Variants in PRKCE observed in about 807,000 individuals in gnomAD.
PRKCE encodes protein kinase C epsilon.
In PRKCE, 16 loss-of-function variants were observed where a neutral mutation model predicts 85.4. The observed-to-expected ratio is 0.19, with a 90% CI of 0.13 to 0.28. The LOEUF (loss-of-function observed/expected upper bound fraction) is 0.28, where lower values mean the gene tolerates loss of function less well. Among genes scored for constraint, PRKCE ranks in the 10% least tolerant of loss-of-function variants. The probability of loss-of-function intolerance (pLI) is 1.00; values close to 1 mark genes in which losing one functional copy is unlikely to be tolerated. For missense variants in PRKCE, 573 were observed against 975.2 expected (o/e 0.59, Z 5.49); for synonymous variants, 388 against 371.5 (o/e 1.04, Z -0.51).
intron 2 of PRKCE, among the ~76,000 whole-genome samples, chr2:45,923,159 G>C (rs1698377852): frequency 6.6e-6 from 1 of 152,220 alleles, no homozygotes; most frequent in African/African-American, 2.4e-5. Flanking sequence ...AGTAGGCCTT[G>C]CTGAGTGGAG....
At chr2:46,028,782 C>G (rs1289935757) in intron 10 of PRKCE, among the ~76,000 whole-genome samples, 1 of 152,114 alleles carries the variant, frequency 6.6e-6, no homozygotes, top group Admixed American at 6.5e-5. Context: ...AAGCTTGGTA[C>G]TCATTAGTTA....
chr2:45,993,946 AC>A (rs546139450), intron 6 of PRKCE, among the ~76,000 whole-genome samples: 1 of 151,038 alleles, frequency 6.6e-6, no homozygotes, highest in Non-Finnish European at 1.5e-5. Flanking sequence ...ACCTCACCCC[AC>A]CCCCACCTTT....
At chr2:45,988,440 C>T (rs1380248874) in intron 6 of PRKCE, among the ~76,000 whole-genome samples, 3 of 152,108 alleles carry the variant, frequency 2.0e-5, no homozygotes, top group African/African-American at 7.2e-5. Context: ...ATAATTATGT[C>T]TGCTTTTATG....
chr2:46,184,499 A>AC lies in PRKCE; in HGVS notation c.2068-233dup, dbSNP rs1408707309. ...TCCCACTTCCCTGCTTTTCCATCATACCCTCTCACCCCTTCTTCCTTCTCA... is the reference window on the plus strand; with the variant it reads ...TCCCACTTCCCTGCTTTTCCATCATACCCCTCTCACCCCTTCTTCCTTCTCA... On this transcript the variant is annotated intron_variant, in intron 14 of 14. Coordinates refer to ENST00000306156, the MANE Select transcript of PRKCE (RefSeq NM_005400.3). The surrounding 1 kb of genome is among the most constrained non-coding windows in gnomAD (Gnocchi z 5.0). 6.6e-6 allele frequency among the ~76,000 whole-genome samples: 1 copy of AC among 151,412 alleles called. No homozygotes were observed. Among genetic ancestry groups the AC allele is most frequent in the Non-Finnish European group, 1.5e-5 (1 of 67,858 alleles).
chr2:46,081,149 G>A (rs1669035691), intron 10 of PRKCE, among the ~76,000 whole-genome samples: 1 of 152,064 alleles, frequency 6.6e-6, no homozygotes, highest in Non-Finnish European at 1.5e-5. Context: ...GCACCACGAT[G>A]CCTGGCTAAC....
At chr2:46,026,132 A>G (rs955087021) in intron 10 of PRKCE, among the ~76,000 whole-genome samples, 6 of 152,260 alleles carry the variant, frequency 3.9e-5, no homozygotes, top group African/African-American at 1.4e-4. Context: ...CATGAAATGC[A>G]GATATTCAAA....
intron 1 of PRKCE, among the ~76,000 whole-genome samples, chr2:45,723,690 C>T (rs1005185309): frequency 1.3e-5 from 2 of 152,096 alleles, no homozygotes; most frequent in Non-Finnish European, 1.5e-5. Context: ...CTGCAACCTC[C>T]GCCTTCCGGT....
At chr2:46,133,435 A>G (rs1674656576) in intron 11 of PRKCE, among the ~76,000 whole-genome samples, 2 of 152,160 alleles carry the variant, frequency 1.3e-5, no homozygotes, top group Admixed American at 1.3e-4. Context: ...CCTCTCCTTG[A>G]AAACAGGGAT....
At chr2:45,730,143 G>A (rs1272886118) in intron 1 of PRKCE, among the ~76,000 whole-genome samples, 1 of 152,136 alleles carries the variant, frequency 6.6e-6, no homozygotes, top group East Asian at 1.9e-4. Flanking sequence ...GCCGTTTGGG[G>A]ACAACAGAGC....
At position 46,155,291 on chromosome 2, in the gene PRKCE, G is replaced by T. The variant is rs1248220737; in HGVS notation, c.1920+4062G>T. On this transcript the variant is annotated intron_variant, in intron 13 of 14. Coordinates refer to ENST00000306156, the MANE Select transcript of PRKCE (RefSeq NM_005400.3). This position sits in a 1 kb window ranked among gnomAD's most constrained non-coding sequence, Gnocchi z 4.7. ...GAGAGCCAAGGAAAACTTTGACCTGGGTGCCTCTTGGGTGAATCTTTGATG... is the reference window on the plus strand; with the variant it reads ...GAGAGCCAAGGAAAACTTTGACCTGTGTGCCTCTTGGGTGAATCTTTGATG... 1.3e-5 allele frequency among the ~76,000 whole-genome samples: 2 copies of T among 152,082 alleles called. No individual in the cohort carries two copies. The highest frequency in any genetic ancestry group is 4.8e-5 in the African/African-American group (2 of 41,402).
intron 2 of PRKCE, among the ~76,000 whole-genome samples, chr2:45,945,784 G>T (rs989120457): frequency 2.0e-5 from 3 of 152,262 alleles, no homozygotes; most frequent in Non-Finnish European, 2.9e-5. Flanking sequence ...ATCTGGCAAA[G>T]CCAGGGCTGT....
chr2:45,812,258 G>A (rs763989170), intron 1 of PRKCE, among the ~76,000 whole-genome samples: 2 of 152,212 alleles, frequency 1.3e-5, no homozygotes, highest in East Asian at 1.9e-4. Context: ...GTAAAGCATC[G>A]CTCAAATGTA....
intron 1 of PRKCE, among the ~76,000 whole-genome samples, chr2:45,708,062 G>T (rs934847186): frequency 2.6e-5 from 4 of 152,234 alleles, no homozygotes; most frequent in Admixed American, 2.6e-4. Flanking sequence ...TGCTGCACAT[G>T]TTTCCTGCCT....
intron 2 of PRKCE, among the ~76,000 whole-genome samples, chr2:45,968,721 C>G (rs953484400): frequency 6.6e-6 from 1 of 152,138 alleles, no homozygotes; most frequent in Admixed American, 6.5e-5. Flanking sequence ...TGCCCCTGAC[C>G]CCACATGAGG....
chr2:46,162,180 C>T (rs1031858701), intron 14 of PRKCE, among the ~76,000 whole-genome samples: 2 of 152,152 alleles, frequency 1.3e-5, no homozygotes, highest in Non-Finnish European at 2.9e-5. Flanking sequence ...GGAAATATAT[C>T]CCTGGGTCAG....
intron 11 of PRKCE, among the ~76,000 whole-genome samples, chr2:46,116,263 T>C (rs184958396): frequency 1.8e-3 from 278 of 152,270 alleles, no homozygotes; most frequent in Non-Finnish European, 2.7e-3. Context: ...CACTCCTCTA[T>C]GTTGGAGAAT....
At chr2:45,878,033 A>T (rs1169510126) in intron 2 of PRKCE, among the ~76,000 whole-genome samples, 1 of 152,156 alleles carries the variant, frequency 6.6e-6, no homozygotes, top group Admixed American at 6.5e-5. Flanking sequence ...TGCTATTATA[A>T]ACCCTCAGTT....
intron 11 of PRKCE, among the ~76,000 whole-genome samples, chr2:46,128,636 G>C (rs1399466314): frequency 6.6e-6 from 1 of 152,222 alleles, no homozygotes; most frequent in Non-Finnish European, 1.5e-5. Context: ...GGAGCTCCCT[G>C]TTTTGGTAAA....
At chr2:45,922,587 C>G (rs960417189) in intron 2 of PRKCE, among the ~76,000 whole-genome samples, 3 of 152,220 alleles carry the variant, frequency 2.0e-5, no homozygotes, top group Non-Finnish European at 4.4e-5. Flanking sequence ...ACCCTTCCCC[C>G]CAGGCTGTCT....
Sources: allele counts gnomAD v4.1 joint callset (sites outside exome capture counted in the v4.1 genomes callset), GRCh38; gene constraint gnomAD v4.1.1; non-coding constraint Gnocchi (gnomAD v3.1); transcripts MANE v1.5; gene names NCBI Gene and HGNC (gene_info 2026-07-23, HGNC 2026-07-21).